Variants in AFG1L observed in about 807,000 individuals in gnomAD.
AFG1L encodes the protein AFG1-like ATPase.
A neutral mutation model predicts 62.2 loss-of-function variants in AFG1L; 53 were observed. The observed-to-expected ratio is 0.85, with a 90% confidence interval of 0.68 to 1.07. The LOEUF (loss-of-function observed/expected upper bound fraction) is 1.07, where lower values mean the gene tolerates loss of function less well. Ranked by LOEUF, AFG1L falls within the 50% of genes least tolerant of loss-of-function variation. AFG1L has a pLI of 0.00. For synonymous variants in AFG1L, 228 were observed against 210.3 expected (o/e 1.08, Z -0.73); for missense variants, 555 against 590.5 (o/e 0.94, Z 0.62).
chr6:108,346,962 A>G, intron 2 of AFG1L, 26 bp from the exon 3 acceptor site: 1 of 1,565,408 alleles, frequency 6.4e-7, no homozygotes, highest in Non-Finnish European at 8.8e-7. Flanking sequence ...CATGGTAGAG[A>G]TTTATAATTT....
chr6:108,495,828 C>T (rs536119582), intron 10 of AFG1L, among the ~76,000 whole-genome samples: 3 of 152,246 alleles, frequency 2.0e-5, no homozygotes, highest in African/African-American at 4.8e-5. Context: ...CACAAACCAT[C>T]GAGTAAGTGG....
At chr6:108,485,844 G>A (rs1310845883) in intron 10 of AFG1L, among the ~76,000 whole-genome samples, 1 of 149,000 alleles carries the variant, frequency 6.7e-6, no homozygotes, top group Non-Finnish European at 1.5e-5. Context: ...ACTGATTTTA[G>A]TATTTTTTGT....
chr6:108,470,843 G>A (rs1582632867), intron 8 of AFG1L, among the ~76,000 whole-genome samples: 1 of 152,156 alleles, frequency 6.6e-6, no homozygotes, highest in Admixed American at 6.5e-5. Context: ...GTACATAAGA[G>A]TGTTGTTTGA....
At chr6:108,361,817 G>T (rs977522112) in intron 5 of AFG1L, among the ~76,000 whole-genome samples, 1 of 152,048 alleles carries the variant, frequency 6.6e-6, no homozygotes, top group African/African-American at 2.4e-5. Flanking sequence ...GCTTACCGTT[G>T]ACCCCCACAC....
intron 6 of AFG1L, among the ~76,000 whole-genome samples, chr6:108,395,312 A>G (rs914737572): frequency 6.6e-6 from 1 of 151,964 alleles, no homozygotes; most frequent in Non-Finnish European, 1.5e-5. Context: ...AAAAAATCCC[A>G]TAATGCCATA....
chr6:108,433,390 C>CT (rs1771165217), intron 7 of AFG1L, among the ~76,000 whole-genome samples: 1 of 151,574 alleles, frequency 6.6e-6, no homozygotes, highest in Admixed American at 6.6e-5. Context: ...GCCAATTCTC[C>CT]TGCCTCAGCT....
chr6:108,438,339 C>A (rs1771400797), intron 7 of AFG1L, among the ~76,000 whole-genome samples: 1 of 152,128 alleles, frequency 6.6e-6, no homozygotes, highest in Admixed American at 6.6e-5. Context: ...CAGGTGGCCA[C>A]CTTCTCACTG....
At chr6:108,297,316 C>T (rs1776800761) in intron 1 of AFG1L, among the ~76,000 whole-genome samples, 1 of 152,084 alleles carries the variant, frequency 6.6e-6, no homozygotes, top group Non-Finnish European at 1.5e-5. Context: ...CCATGTTGGG[C>T]AGGCTGGTCT....
intron 1 of AFG1L, among the ~76,000 whole-genome samples, chr6:108,318,607 C>G (rs1429271684): frequency 6.6e-6 from 1 of 152,086 alleles, no homozygotes; most frequent in Admixed American, 6.5e-5. Flanking sequence ...ATGTAGGACA[C>G]AAGATATTGA....
intron 6 of AFG1L, among the ~76,000 whole-genome samples, chr6:108,400,066 A>G (rs904814940): frequency 5.9e-5 from 9 of 152,268 alleles, no homozygotes; most frequent in Admixed American, 4.6e-4. Context: ...GGTGTGAGCC[A>G]CTATGCCCAG....
intron 10 of AFG1L, among the ~76,000 whole-genome samples, chr6:108,491,414 G>A (rs1289198826): frequency 3.3e-5 from 5 of 152,108 alleles, no homozygotes; most frequent in African/African-American, 1.2e-4. Flanking sequence ...CATTCCTGCT[G>A]CCGACATATG....
At chr6:108,421,894 C>G (rs961082106) in intron 7 of AFG1L, among the ~76,000 whole-genome samples, 4 of 151,974 alleles carry the variant, frequency 2.6e-5, no homozygotes, top group African/African-American at 4.8e-5. Flanking sequence ...AAAAGTTAAA[C>G]AAAAATTATC....
rs762807382 is a variant in AFG1L at position 108,355,716 on chromosome 6, C to T, written c.478C>T (p.Arg160Trp). The change falls in exon 4 of 13, where the codon CGG becomes TGG. Residue 160 changes from arginine to tryptophan, a missense_variant. Coordinates refer to ENST00000368977, the MANE Select transcript of AFG1L (RefSeq NM_145315.5). The part of the protein sequence containing the change: ...YAYVEMKRKK[R>W]VHFHGFMLDV... ...TTATGTGGAAATGAAGAGGAAAAAA[C>T]GGGTTCATTTTCATGGTTTCATGCT... The T allele has an allele frequency of 5.7e-5, 92 of 1,609,600 alleles. No individual in the cohort carries two copies. Among genetic ancestry groups the T allele is most frequent in the Non-Finnish European group, 7.0e-5 (83 of 1,178,462 alleles).
At chr6:108,393,775 A>G (rs1781167705) in intron 6 of AFG1L, among the ~76,000 whole-genome samples, 1 of 152,204 alleles carries the variant, frequency 6.6e-6, no homozygotes, top group Non-Finnish European at 1.5e-5. Flanking sequence ...ATTCTATAAC[A>G]TTGTGCTCTT....
intron 6 of AFG1L, among the ~76,000 whole-genome samples, chr6:108,377,411 CT>C (rs2114539039): frequency 6.6e-6 from 1 of 152,220 alleles, no homozygotes; most frequent in African/African-American, 2.4e-5. Context: ...TTAGGACTCC[CT>C]TAGGGATCTA....
intron 2 of AFG1L, among the ~76,000 whole-genome samples, chr6:108,346,342 A>G (rs1045541123): frequency 9.9e-5 from 15 of 151,720 alleles, no homozygotes; most frequent in Admixed American, 8.5e-4. Flanking sequence ...TCCTCCCTCC[A>G]GCCCCTGGCA....
At chr6:108,394,431 G>T (rs985340696) in intron 6 of AFG1L, among the ~76,000 whole-genome samples, 1 of 150,018 alleles carries the variant, frequency 6.7e-6, no homozygotes, top group Non-Finnish European at 1.5e-5. Context: ...TTACAGGCAT[G>T]AGCCACCATG....
chr6:108,424,558 T>C (rs1582566169), intron 7 of AFG1L, among the ~76,000 whole-genome samples: 1 of 152,148 alleles, frequency 6.6e-6, no homozygotes, highest in Admixed American at 6.6e-5. Flanking sequence ...GAAATTAGGA[T>C]GTTCTAGTAG....
intron 10 of AFG1L, among the ~76,000 whole-genome samples, chr6:108,477,989 T>C (rs1227515533): frequency 6.6e-6 from 1 of 152,236 alleles, no homozygotes; most frequent in East Asian, 1.9e-4. Context: ...TTAGATATAA[T>C]TTTAAGCATA....
Sources: allele counts gnomAD v4.1 joint callset (sites outside exome capture counted in the v4.1 genomes callset), GRCh38; gene constraint gnomAD v4.1.1; transcripts MANE v1.5; gene names NCBI Gene and HGNC (gene_info 2026-07-23, HGNC 2026-07-21).